Variants in XKR6 observed in about 807,000 individuals in gnomAD.
XKR6 encodes the protein XK-related protein 6.
A neutral mutation model predicts 56.7 loss-of-function variants in XKR6; 22 were observed. The ratio of observed to expected loss-of-function variants is 0.39; its 90% CI spans 0.28 to 0.55. The LOEUF is 0.55. Among genes scored for constraint, XKR6 ranks in the 20% least tolerant of loss-of-function variants. The pLI is 0.66. For missense variants in XKR6, 852 were observed against 889.0 expected (o/e 0.96, Z 0.53); for synonymous variants, 524 against 387.8 (o/e 1.35, Z -4.13).
intron 1 of XKR6, among the ~76,000 whole-genome samples, chr8:10,982,507 T>A (rs1240807429): frequency 6.6e-6 from 1 of 152,154 alleles, no homozygotes; most frequent in African/African-American, 2.4e-5. Flanking sequence ...GGCCTTGATG[T>A]ATGTTTAACC....
intron 1 of XKR6, among the ~76,000 whole-genome samples, chr8:10,946,833 C>T (rs567003479): frequency 1.3e-5 from 2 of 152,264 alleles, no homozygotes; most frequent in African/African-American, 4.8e-5. Context: ...AATTCCATTG[C>T]TAGGCATGAG....
intron 1 of XKR6, among the ~76,000 whole-genome samples, chr8:11,086,788 AC>A (rs1797907201): frequency 6.6e-6 from 1 of 152,184 alleles, no homozygotes; most frequent in Non-Finnish European, 1.5e-5. Context: ...AAAAGTAAGC[AC>A]AGTAGCTTGT....
intron 1 of XKR6, among the ~76,000 whole-genome samples, chr8:10,981,004 T>G (rs1470969482): frequency 6.6e-6 from 1 of 152,116 alleles, no homozygotes; most frequent in Non-Finnish European, 1.5e-5. Context: ...AGCCCAACAT[T>G]GTTCTTTCGT....
intron 1 of XKR6, among the ~76,000 whole-genome samples, chr8:11,038,915 A>C (rs7833741): frequency 0.34 from 51,997 of 151,796 alleles, 10,901 homozygotes; most frequent in African/African-American, 0.59. Flanking sequence ...TGGGCTTCTG[A>C]GGCTTTAGCT....
chr8:11,184,983 C>G (rs1487820650), intron 1 of XKR6, among the ~76,000 whole-genome samples: 1 of 152,174 alleles, frequency 6.6e-6, no homozygotes, highest in Non-Finnish European at 1.5e-5. Flanking sequence ...TAAGAAAAAT[C>G]CATTCCCAAC....
intron 1 of XKR6, among the ~76,000 whole-genome samples, chr8:11,036,064 C>T (rs1177343174): frequency 1.3e-5 from 2 of 151,644 alleles, no homozygotes; most frequent in African/African-American, 4.9e-5. Flanking sequence ...CTGCCTCAGC[C>T]TCTTGAGTAA....
intron 1 of XKR6, among the ~76,000 whole-genome samples, chr8:11,060,557 T>G (rs944555324): frequency 6.6e-6 from 1 of 152,196 alleles, no homozygotes; most frequent in African/African-American, 2.4e-5. Context: ...TTGGTCTGTT[T>G]GGGTTTTTCT....
At chr8:11,112,141 A>G (rs1042662157) in intron 1 of XKR6, among the ~76,000 whole-genome samples, 2 of 152,200 alleles carry the variant, frequency 1.3e-5, no homozygotes, top group African/African-American at 4.8e-5. Flanking sequence ...CTGGGTCAAA[A>G]TATCTCCACA....
intron 1 of XKR6, chr8:11,137,163 C>T (rs539461990): frequency 8.4e-4 from 139 of 164,568 alleles, no homozygotes; most frequent in African/African-American, 3.2e-3. Context: ...CTTGCTCTAG[C>T]TCCAGTCCAT....
intron 1 of XKR6, among the ~76,000 whole-genome samples, chr8:11,044,303 G>A (rs759202607): frequency 1.3e-5 from 2 of 152,186 alleles, no homozygotes; most frequent in African/African-American, 2.4e-5. Context: ...TACTATGCGT[G>A]CATGCATTCC....
chr8:11,100,930 G>A (rs1014356840), intron 1 of XKR6, among the ~76,000 whole-genome samples: 1 of 152,194 alleles, frequency 6.6e-6, no homozygotes, highest in African/African-American at 2.4e-5. Context: ...TTTATGGGCA[G>A]GTGGTGCCGG....
chr8:10,970,711 C>A (rs1802384059), intron 1 of XKR6, among the ~76,000 whole-genome samples: 1 of 149,966 alleles, frequency 6.7e-6, no homozygotes, highest in Admixed American at 6.7e-5. Flanking sequence ...CATACATAGA[C>A]TAAATTATTT....
At chr8:10,945,569 T>C (rs768779646) in intron 1 of XKR6, among the ~76,000 whole-genome samples, 7 of 152,208 alleles carry the variant, frequency 4.6e-5, no homozygotes, top group Non-Finnish European at 1.0e-4. Flanking sequence ...TGTTTCCCCA[T>C]CTAAGCTCCC....
At chr8:11,156,003 T>C (rs1437658174) in intron 1 of XKR6, among the ~76,000 whole-genome samples, 1 of 152,216 alleles carries the variant, frequency 6.6e-6, no homozygotes, top group Non-Finnish European at 1.5e-5. Flanking sequence ...ATTACCTGCT[T>C]TCCTTCTCTA....
chr8:11,052,587 C>T (rs939829577), intron 1 of XKR6, among the ~76,000 whole-genome samples: 7 of 152,104 alleles, frequency 4.6e-5, no homozygotes, highest in Non-Finnish European at 8.8e-5. Context: ...CGTTCCTGGA[C>T]GTGAGGCTTT....
intron 1 of XKR6, among the ~76,000 whole-genome samples, chr8:11,010,843 G>A (rs1407472381): frequency 6.6e-6 from 1 of 151,628 alleles, no homozygotes; most frequent in Admixed American, 6.6e-5. Flanking sequence ...GGCAAAGAAC[G>A]GAGCTCCCCA....
At chr8:10,912,393 CA>C (rs1202665854) in intron 2 of XKR6, among the ~76,000 whole-genome samples, 1 of 86,592 alleles carries the variant, frequency 1.2e-5, no homozygotes, top group Non-Finnish European at 2.2e-5. Flanking sequence ...GGTGAGTATA[CA>C]TATATATATA....
intron 1 of XKR6, among the ~76,000 whole-genome samples, chr8:11,192,233 A>G (rs990538846): frequency 1.3e-5 from 2 of 151,856 alleles, no homozygotes; most frequent in African/African-American, 4.8e-5. Context: ...ATCTGGGCTC[A>G]CTGCAACCTC....
chr8:11,014,814 C>T (rs538120374), intron 1 of XKR6, among the ~76,000 whole-genome samples: 2 of 152,278 alleles, frequency 1.3e-5, no homozygotes, highest in East Asian at 3.9e-4. Flanking sequence ...ATGTAACAAA[C>T]CTGCACGCGT....
Sources: gnomAD v4.1 joint callset for allele counts (sites outside exome capture counted in the v4.1 genomes callset) on GRCh38, gnomAD v4.1.1 for gene constraint, MANE v1.5 for transcripts, NCBI Gene and HGNC (gene_info 2026-07-23, HGNC 2026-07-21) for gene names.